Variants in ATRN observed in about 807,000 individuals in gnomAD.
The protein encoded by ATRN is attractin-2.
Under a neutral mutation model 178.7 loss-of-function variants are expected in ATRN, and 54 were observed. That is an observed-to-expected ratio of 0.30 (90% confidence interval 0.24 to 0.38). The LOEUF (loss-of-function observed/expected upper bound fraction) is 0.38. Among genes scored for constraint, ATRN ranks in the 10% least tolerant of loss-of-function variants. The pLI, the probability that ATRN is intolerant of heterozygous loss-of-function variation, is 1.00. For missense variants in ATRN, 1,443 were observed against 1,815.1 expected (o/e 0.79, Z 3.73); for synonymous variants, 636 against 663.0 (o/e 0.96, Z 0.63).
intron 1 of ATRN, chr20:3,490,338 C>T: frequency 9.9e-7 from 1 of 1,010,436 alleles, no homozygotes; most frequent in Non-Finnish European, 1.6e-6. Flanking sequence ...TTCGCCCATC[C>T]AGGAAGGTCA....
intron 25 of ATRN, chr20:3,629,106 G>A: frequency 1.0e-6 from 1 of 985,266 alleles, no homozygotes; most frequent in South Asian, 4.7e-5. Context: ...CCCCAGAGCT[G>A]TGGCCGTCAG....
At chr20:3,474,731 AC>A (rs1166708470) in intron 1 of ATRN, among the ~76,000 whole-genome samples, 1 of 141,662 alleles carries the variant, frequency 7.1e-6, no homozygotes, top group Non-Finnish European at 1.5e-5. Context: ...AACAACAAAA[AC>A]TCAATAAAAT....
At position 3,645,336 on chromosome 20, in the gene ATRN, TGGCTC is replaced by T. The variant is rs1438956445; in HGVS notation, c.4165+1072_4165+1076del. Among the ~76,000 whole-genome samples the T allele has an allele frequency of 6.6e-6, 1 of 152,250 alleles. No individual in the cohort carries two copies. The highest frequency in any genetic ancestry group is 1.5e-5 in the Non-Finnish European group (1 of 68,050). The stretch of plus-strand genomic sequence containing the variant: ...TCTTCACGAGGGAGGCCTTTCGACA[TGGCTC>T]GGCCAGGATTCATTGTCTTCATCTC... On this transcript the variant is annotated intron_variant, in intron 28 of 28. Transcript: ENST00000262919. This position sits in a 1 kb window ranked among gnomAD's most constrained non-coding sequence, Gnocchi z 4.7.
intron 12 of ATRN, among the ~76,000 whole-genome samples, chr20:3,573,929 G>A (rs2086166819): frequency 6.6e-6 from 1 of 151,902 alleles, no homozygotes; most frequent in African/African-American, 2.4e-5. Context: ...GTAGAGATGG[G>A]GTTTTACCAT....
intron 1 of ATRN, among the ~76,000 whole-genome samples, chr20:3,494,470 C>T (rs1473081696): frequency 6.6e-6 from 1 of 152,154 alleles, no homozygotes; most frequent in East Asian, 1.9e-4. Flanking sequence ...CTGGACTGAG[C>T]CACAGTTAAG....
chr20:3,561,247 C>T (rs1014595571), intron 8 of ATRN, among the ~76,000 whole-genome samples: 4 of 152,226 alleles, frequency 2.6e-5, no homozygotes, highest in South Asian at 4.1e-4. Context: ...CGCTTGAACC[C>T]GGGAGGTGGA....
In ATRN at chr20:3,499,429, A is replaced by G. The variant is rs1320994639; in HGVS notation, c.410+27912A>G. Reference sequence around the variant, plus strand: ...GTAGGCATCACACTACCTGACTTCAAACTATACTACAAGGCTACAGTAACC... The same window carrying G: ...GTAGGCATCACACTACCTGACTTCAGACTATACTACAAGGCTACAGTAACC... On this transcript the variant is annotated intron_variant, in intron 1 of 28. Transcript: ENST00000262919. Among the ~76,000 whole-genome samples, 32 of 145,758 alleles carry G rather than the reference A, an allele frequency of 2.2e-4. No individual in the cohort carries two copies. In the East Asian group the frequency reaches 5.8e-3, roughly 26 times the overall value.
In ATRN at chr20:3,605,155, A is replaced by T. The variant is rs143769517; in HGVS notation, c.3801+893A>T. 6.0e-4 allele frequency among the ~76,000 whole-genome samples: 92 copies of T among 152,328 alleles called. 1 individual carries two copies. Among genetic ancestry groups the T allele is most frequent in the African/African-American group, 2.0e-3 (84 of 41,564 alleles). On this transcript the variant is annotated intron_variant, in intron 24 of 28. Coordinates refer to ENST00000262919, the MANE Select transcript of ATRN (RefSeq NM_139321.3). ...CAAGTCACCACAAACATATGAAAAA[A>T]GTTCAACATCACTGATCATTAGAGA...
intron 24 of ATRN, among the ~76,000 whole-genome samples, chr20:3,611,847 A>G (rs1271177717): frequency 6.6e-6 from 1 of 152,192 alleles, no homozygotes; most frequent in Non-Finnish European, 1.5e-5. Context: ...AATAACACCA[A>G]ATGTTGGAGA....
chr20:3,587,147 AT>A (rs1448302495), intron 18 of ATRN, among the ~76,000 whole-genome samples: 1 of 152,098 alleles, frequency 6.6e-6, no homozygotes, highest in Non-Finnish European at 1.5e-5. Context: ...TGGATATATT[AT>A]TTGCAAATAC....
At chr20:3,499,819 C>A (rs2084931264) in intron 1 of ATRN, among the ~76,000 whole-genome samples, 1 of 149,080 alleles carries the variant, frequency 6.7e-6, no homozygotes, top group African/African-American at 2.5e-5. Context: ...GCAACAAAAG[C>A]CAGAATTGAC....
intron 1 of ATRN, among the ~76,000 whole-genome samples, chr20:3,528,298 C>T (rs778794463): frequency 2.0e-5 from 3 of 151,336 alleles, no homozygotes; most frequent in Admixed American, 1.3e-4. Context: ...ACCCAGGAGG[C>T]GGAGGTTGCA....
chr20:3,482,913 G>A (rs895655450), intron 1 of ATRN, among the ~76,000 whole-genome samples: 20 of 152,086 alleles, frequency 1.3e-4, no homozygotes, highest in Non-Finnish European at 2.9e-4. Context: ...GAAGAGATGC[G>A]AGGAATATCT....
intron 2 of ATRN, among the ~76,000 whole-genome samples, chr20:3,536,863 TA>T (rs1206866835): frequency 1.3e-5 from 2 of 152,206 alleles, no homozygotes; most frequent in Admixed American, 6.5e-5. Flanking sequence ...AATTATTGTA[TA>T]TAGTCTTCTT....
intron 1 of ATRN, among the ~76,000 whole-genome samples, chr20:3,505,943 T>A (rs1396050604): frequency 3.3e-5 from 5 of 152,204 alleles, no homozygotes; most frequent in Admixed American, 2.6e-4. Flanking sequence ...GTATGCTGAT[T>A]GTAAAAGGGC....
chr20:3,489,152 G>T (rs1013622728), intron 1 of ATRN, among the ~76,000 whole-genome samples: 3 of 152,044 alleles, frequency 2.0e-5, no homozygotes, highest in Admixed American at 6.6e-5. Context: ...TTAGAGATGG[G>T]GTTTCACCAT....
At chr20:3,487,949 T>A (rs918763401) in intron 1 of ATRN, among the ~76,000 whole-genome samples, 8 of 152,184 alleles carry the variant, frequency 5.3e-5, no homozygotes, top group Admixed American at 5.2e-4. Context: ...TCGGTTCCAA[T>A]TCCCTGCCTT....
chr20:3,485,660 C>T (rs187978447), intron 1 of ATRN, among the ~76,000 whole-genome samples: 95 of 107,456 alleles, frequency 8.8e-4, no homozygotes, highest in African/African-American at 2.4e-3. Flanking sequence ...CTTGCCCTGT[C>T]GTCCAGGCTG....
chr20:3,644,808 T>C (rs781012459), intron 28 of ATRN, among the ~76,000 whole-genome samples: 15 of 152,240 alleles, frequency 9.9e-5, no homozygotes, highest in Non-Finnish European at 1.9e-4. Context: ...AAAGGAAACG[T>C]CTGAAAATCC....
Sources: gnomAD v4.1 joint callset for allele counts (sites outside exome capture counted in the v4.1 genomes callset) on GRCh38, gnomAD v4.1.1 for gene constraint, Gnocchi (gnomAD v3.1) non-coding constraint, MANE v1.5 for transcripts, NCBI Gene and HGNC (gene_info 2026-07-23, HGNC 2026-07-21) for gene names.